OTOF: variants seen among roughly 807,000 people sequenced by gnomAD.
OTOF encodes otoferlin, also known as fer-1-like family member 2.
A neutral mutation model predicts 236.8 loss-of-function variants in OTOF; 218 were observed. The ratio of observed to expected loss-of-function variants is 0.92; its 90% CI spans 0.82 to 1.03. The LOEUF (loss-of-function observed/expected upper bound fraction) is 1.03, where lower values mean the gene tolerates loss of function less well. Among genes scored for constraint, OTOF ranks in the 50% least tolerant of loss-of-function variants. OTOF has a pLI of 0.00. For missense variants in OTOF, 2,590 were observed against 2,694.4 expected, an observed-to-expected ratio of 0.96 and a Z score of 0.86; for synonymous variants, 1,041 against 1,072.5, an observed-to-expected ratio of 0.97 and a Z score of 0.57.
intron 9 of OTOF, among the ~76,000 whole-genome samples, chr2:26,491,467 G>T (rs1572447037): frequency 6.6e-6 from 1 of 152,306 alleles, no homozygotes; most frequent in East Asian, 1.9e-4. Flanking sequence ...GCACACATGG[G>T]TCTTCATGGT....
At chr2:26,514,322 G>A (rs938510426) in intron 5 of OTOF, among the ~76,000 whole-genome samples, 5 of 152,258 alleles carry the variant, frequency 3.3e-5, no homozygotes, top group African/African-American at 9.6e-5. Context: ...TTTTGCTCCC[G>A]CTTCTTGCTG....
rs188721011 is a variant in OTOF, at chr2:26,543,278, G to A, written c.80-5504C>T. Reference sequence around the variant, plus strand: ...TGCAGGAAAAAGCCAGGCCCACTCAGGTGTGCGGCCCGGCACAACGGCCCA... The same window carrying A: ...TGCAGGAAAAAGCCAGGCCCACTCAAGTGTGCGGCCCGGCACAACGGCCCA... On this transcript the variant is annotated intron_variant, in intron 1 of 46. Coordinates refer to ENST00000272371, the MANE Select transcript of OTOF (RefSeq NM_194248.3). Among the ~76,000 whole-genome samples, 394 of 152,350 alleles carry A rather than the reference G, an allele frequency of 2.6e-3. 2 individuals carry two copies. Among genetic ancestry groups the A allele is most frequent in the African/African-American group, 9.0e-3 (373 of 41,582 alleles).
At position 26,476,323 on chromosome 2, in the gene OTOF, G is replaced by T; in HGVS notation, c.2677-6C>A. 6.2e-7 allele frequency: 1 copy of T among 1,601,138 alleles called. No homozygotes were observed. Among genetic ancestry groups the T allele is most frequent in the East Asian group, 2.2e-5 (1 of 44,854 alleles). ...AAGCCCCGCTTCCCTGGCAGCTGGG[G>T]GTGGGCATGGGGTCACCAGGAGCCT... On this transcript the variant is annotated splice_polypyrimidine_tract_variant and splice_region_variant and intron_variant, in intron 22 of 46. Transcript: ENST00000272371.
At chr2:26,553,437 C>T (rs549590816) in intron 1 of OTOF, among the ~76,000 whole-genome samples, 2 of 152,304 alleles carry the variant, frequency 1.3e-5, no homozygotes, top group African/African-American at 4.8e-5. Flanking sequence ...GCTCCTTTTC[C>T]CTCGTCTCTG....
At chr2:26,483,038 GGTGCATGT>G (rs1266481532) in intron 13 of OTOF, among the ~76,000 whole-genome samples, 12 of 137,624 alleles carry the variant, frequency 8.7e-5, no homozygotes, top group South Asian at 2.4e-4. Context: ...TGTGTGAGTG[GGTGCATGT>G]GTGCATGTGT....
chr2:26,555,001 C>T (rs1667551914), intron 1 of OTOF, among the ~76,000 whole-genome samples: 1 of 152,184 alleles, frequency 6.6e-6, no homozygotes, highest in South Asian at 2.1e-4. Context: ...TCACTTGGTT[C>T]CCTTACAGTC....
chr2:26,474,284 G>GA (rs1665143647), intron 26 of OTOF, among the ~76,000 whole-genome samples, 174 bp from the exon 27 acceptor site: 1 of 117,304 alleles, frequency 8.5e-6, no homozygotes, highest in Non-Finnish European at 1.8e-5. Context: ...CCAGGCCCCA[G>GA]CTCCAGGCCC....
At chr2:26,531,273 G>T (rs532142371) in intron 2 of OTOF, among the ~76,000 whole-genome samples, 1 of 152,124 alleles carries the variant, frequency 6.6e-6, no homozygotes, top group Non-Finnish European at 1.5e-5. Flanking sequence ...TGTATCTCAC[G>T]CAGACTGGGA....
At position 26,497,809 on chromosome 2, in the gene OTOF, A is replaced by G. The variant is rs75660317; in HGVS notation, c.766-2736T>C. Reference sequence around the variant, plus strand: ...ATTCACTGCTCCTTCAGGGAGCTAAAAAGGAAATAGGACTAACTAACTTAG... The same window carrying G: ...ATTCACTGCTCCTTCAGGGAGCTAAGAAGGAAATAGGACTAACTAACTTAG... On this transcript the variant is annotated intron_variant, in intron 8 of 46. Transcript: ENST00000272371. Among the ~76,000 whole-genome samples, 53 of 152,350 alleles carry G rather than the reference A, an allele frequency of 3.5e-4. 1 individual carries two copies. In the East Asian group the frequency reaches 0.01, roughly 29 times the overall value.
At position 26,461,126 on chromosome 2, in the gene OTOF, T is replaced by G. The variant is rs1053472541; in HGVS notation, c.5534-96A>C. The G allele has an allele frequency of 1.9e-6, 2 of 1,045,490 alleles. No homozygotes were observed. Among genetic ancestry groups the G allele is most frequent in the Non-Finnish European group, 2.8e-6 (2 of 701,966 alleles). The allele number at this position is 1,045,490 out of a possible 1,614,324, so 64.8% of individuals were successfully genotyped here. On this transcript the variant is annotated intron_variant, in intron 43 of 46. Transcript: ENST00000272371. This position sits in a 1 kb window ranked among gnomAD's most constrained non-coding sequence, Gnocchi z 6.2. Reference sequence around the variant, plus strand: ...GCTCCTCGGCCCCTTGTTTGCTGAGTGCAGACCTCCCTGAGCCCACATCTC... The same window carrying G: ...GCTCCTCGGCCCCTTGTTTGCTGAGGGCAGACCTCCCTGAGCCCACATCTC...
At chr2:26,547,462 A>G (rs776338459) in intron 1 of OTOF, among the ~76,000 whole-genome samples, 1 of 152,242 alleles carries the variant, frequency 6.6e-6, no homozygotes, top group East Asian at 1.9e-4. Flanking sequence ...TTTTGATAAT[A>G]AAAAATGAAT....
chr2:26,482,526 G>A lies in OTOF; in HGVS notation c.1459C>T (p.Leu487Phe), dbSNP rs1665567232. 1.9e-6 allele frequency: 3 copies of A among 1,613,268 alleles called. No individual in the cohort carries two copies. In the Admixed American group the frequency reaches 5.0e-5, roughly 27 times the overall value. Residue 487 changes from leucine (L) to phenylalanine (F), a missense_variant, in exon 14 of 47, where the codon CTC (leucine) becomes TTC (phenylalanine). By Grantham distance (22) the Leu-to-Phe change is conservative. This residue lies in a region of OTOF where 1,379 missense variants were observed against 1,341.6 expected (regional missense o/e 1.03). Transcript: ENST00000272371. ...ATGCGTTTGCAGAGTGGGGGGAAGA[G>A]GTCTGTAAAGACGACCTGCTCATTC... The part of the protein sequence containing the change: ...LWNEQVVFTD[L>F]FPPLCKRMKV...
Position 26,475,905 on chromosome 2 carries a change from G to T in OTOF, c.2991+9C>A. 1 of 1,599,302 alleles carries T rather than the reference G, an allele frequency of 6.3e-7. No individual in the cohort carries two copies. Among genetic ancestry groups the T allele is most frequent in the Non-Finnish European group, 8.5e-7 (1 of 1,172,990 alleles). Reference sequence around the variant, plus strand: ...AAGCCAGAGCCACTCCCTCCTCCCAGGCCCTCACCTCTGTGCACTGACTCT... The same window carrying T: ...AAGCCAGAGCCACTCCCTCCTCCCATGCCCTCACCTCTGTGCACTGACTCT... On this transcript the variant is annotated intron_variant, in intron 24 of 46. Transcript: ENST00000272371.
chr2:26,465,868 G>A (rs1418749188), intron 37 of OTOF, 26 bp from the exon 38 acceptor site: 2 of 1,614,106 alleles, frequency 1.2e-6, no homozygotes, highest in Admixed American at 1.7e-5. Flanking sequence ...TAGGAGAAGG[G>A]CTTAAGGATT....
chr2:26,519,230 G>C, intron 3 of OTOF, 121 bp from the exon 4 acceptor site: 1 of 720,510 alleles, frequency 1.4e-6, no homozygotes, highest in Admixed American at 2.0e-5. Flanking sequence ...CCAGCTCTGG[G>C]CTGGGCTGGA....
intron 4 of OTOF, among the ~76,000 whole-genome samples, chr2:26,517,742 C>T (rs1666571112): frequency 6.6e-6 from 1 of 152,174 alleles, no homozygotes; most frequent in Admixed American, 6.5e-5. Flanking sequence ...CTTCATTGTT[C>T]CCATTCATAA....
chr2:26,472,489 C>A (rs1665035437), intron 30 of OTOF, 30 bp downstream of exon 30: 2 of 1,613,106 alleles, frequency 1.2e-6, no homozygotes, highest in Non-Finnish European at 1.7e-6. Flanking sequence ...ATGTTCCCAG[C>A]CAGCAGGGGG....
Position 26,482,317 on chromosome 2 carries a change from C to T in OTOF, c.1579+89G>A, listed in dbSNP as rs535964573. 1.4e-4 allele frequency: 177 copies of T among 1,242,388 alleles called. 1 individual carries two copies. In the East Asian group the frequency reaches 3.2e-3, roughly 22 times the overall value. 77.0% of individuals were successfully genotyped at this position (1,242,388 alleles called of 1,614,324 possible). A position where few individuals can be genotyped will look rare whatever the true frequency, so the allele number is the denominator to read the frequency against. ...TGAGGCTGAGGACCAGAGCTGATGA[C>T]GGTGGTGTGAAGAGAGGGCATCTCA... is the stretch of plus-strand genomic sequence containing the variant. On this transcript the variant is annotated intron_variant, in intron 14 of 46. Coordinates refer to ENST00000272371, the MANE Select transcript of OTOF (RefSeq NM_194248.3).
At chr2:26,516,668 G>A in intron 4 of OTOF, 69 bp from the exon 5 acceptor site, 2 of 1,533,070 alleles carry the variant, frequency 1.3e-6, no homozygotes, top group Non-Finnish European at 1.8e-6. Context: ...ATATGTGGCT[G>A]CTTGGTGGTG....
Sources: gnomAD v4.1 joint callset for allele counts (sites outside exome capture counted in the v4.1 genomes callset) on GRCh38, gnomAD v4.1.1 for gene constraint, gnomAD v4.1.1 regional missense constraint, Gnocchi (gnomAD v3.1) non-coding constraint, MANE v1.5 for transcripts, NCBI Gene and HGNC (gene_info 2026-07-23, HGNC 2026-07-21) for gene names.